Variants in HECW2 observed in about 807,000 individuals in gnomAD.
HECW2 encodes the protein HECT, C2 and WW domain containing E3 ubiquitin protein ligase 2.
Under a neutral mutation model 175.2 loss-of-function variants are expected in HECW2, and 61 were observed. The observed-to-expected ratio is 0.35, with a 90% confidence interval of 0.28 to 0.43. HECW2 has a LOEUF of 0.43. HECW2 is among the 20% of genes least tolerant of loss of function. HECW2 has a pLI of 1.00. For synonymous variants in HECW2, 671 were observed against 731.0 expected (o/e 0.92, Z 1.32); for missense variants, 1,524 against 2,000.5 (o/e 0.76, Z 4.54).
intron 1 of HECW2, among the ~76,000 whole-genome samples, chr2:196,574,371 G>A (rs560863775): frequency 4.6e-5 from 7 of 152,000 alleles, no homozygotes; most frequent in South Asian, 4.2e-4. Context: ...CAGAGGTTGC[G>A]GTGAGCAGAG....
At chr2:196,453,184 G>C (rs1045545659) in intron 1 of HECW2, among the ~76,000 whole-genome samples, 2 of 152,154 alleles carry the variant, frequency 1.3e-5, no homozygotes, top group Non-Finnish European at 2.9e-5. Flanking sequence ...AGAATTTCAA[G>C]ATCTCTAACA....
At chr2:196,495,976 T>A (rs764041622) in intron 1 of HECW2, among the ~76,000 whole-genome samples, 1 of 152,202 alleles carries the variant, frequency 6.6e-6, no homozygotes, top group Non-Finnish European at 1.5e-5. Context: ...GAGATGCCAC[T>A]GAAGGTTTTA....
intron 1 of HECW2, among the ~76,000 whole-genome samples, chr2:196,570,300 TATC>T (rs1225374379): frequency 1.3e-5 from 2 of 152,220 alleles, no homozygotes; most frequent in Non-Finnish European, 2.9e-5. Flanking sequence ...ATAATGAACA[TATC>T]ATTTATATTG....
intron 1 of HECW2, among the ~76,000 whole-genome samples, chr2:196,481,146 T>G (rs1313071317): frequency 6.6e-6 from 1 of 152,232 alleles, no homozygotes; most frequent in Non-Finnish European, 1.5e-5. Flanking sequence ...CAGGACTGCT[T>G]AAGTACTAGT....
In HECW2 at chr2:196,324,970, A is replaced by G. The variant is rs374568976; in HGVS notation, c.741+10T>C. On this transcript the variant is annotated intron_variant, in intron 6 of 28. Transcript: ENST00000644978. Reference sequence around the variant, plus strand: ...ACCATCAAGTAGGAGACCCCCGAGGATCATCTTACCTCTCGGTGCCAAATT... The same window carrying G: ...ACCATCAAGTAGGAGACCCCCGAGGGTCATCTTACCTCTCGGTGCCAAATT... The G allele has an allele frequency of 3.9e-6, 6 of 1,554,960 alleles. No individual in the cohort carries two copies. In the African/African-American group the frequency reaches 8.3e-5, roughly 21 times the overall value.
At chr2:196,344,208 G>C (rs556740164) in intron 2 of HECW2, among the ~76,000 whole-genome samples, 4 of 150,788 alleles carry the variant, frequency 2.7e-5, no homozygotes, top group Admixed American at 1.3e-4. Context: ...AGTGAGTCAA[G>C]ATACAGCACA....
intron 21 of HECW2, chr2:196,238,447 CTTTCTTTCTTTCTTTA>C (rs1688330874): frequency 1.5e-5 from 1 of 68,512 alleles, no homozygotes; most frequent in Admixed American, 1.6e-4. Flanking sequence ...TTCTTTCTTT[CTTTCTTTCTTTCTTTA>C]TTTTTTTTAG....
intron 14 of HECW2, among the ~76,000 whole-genome samples, chr2:196,287,515 C>T: frequency 6.6e-6 from 1 of 152,062 alleles, no homozygotes; most frequent in East Asian, 1.9e-4. Context: ...GGGAAATAGT[C>T]CGTATTTAAC....
At chr2:196,470,554 A>G (rs1053789020) in intron 1 of HECW2, among the ~76,000 whole-genome samples, 18 of 152,328 alleles carry the variant, frequency 1.2e-4, no homozygotes, top group African/African-American at 4.3e-4. Context: ...AAAATGTCCA[A>G]TGATTCTTGG....
intron 1 of HECW2, among the ~76,000 whole-genome samples, chr2:196,499,137 T>G (rs951233736): frequency 6.6e-6 from 1 of 152,174 alleles, no homozygotes. Context: ...CCTGCAATTA[T>G]TAAACGCTTT....
chr2:196,530,180 T>G (rs533979011), intron 1 of HECW2, among the ~76,000 whole-genome samples: 1 of 152,268 alleles, frequency 6.6e-6, no homozygotes, highest in African/African-American at 2.4e-5. Flanking sequence ...CCCCAAAACC[T>G]CCCACTCTTA....
At chr2:196,283,297 T>C (rs913218814) in intron 14 of HECW2, among the ~76,000 whole-genome samples, 1 of 138,452 alleles carries the variant, frequency 7.2e-6, no homozygotes, top group Admixed American at 7.4e-5. Context: ...TGGAAGGAGA[T>C]GGGGGCTCTT....
intron 14 of HECW2, among the ~76,000 whole-genome samples, chr2:196,286,033 T>C (rs991974819): frequency 1.7e-4 from 26 of 152,174 alleles, no homozygotes; most frequent in Admixed American, 3.3e-4. Flanking sequence ...GGAGTGACAG[T>C]ATTTAGGCGT....
intron 1 of HECW2, among the ~76,000 whole-genome samples, chr2:196,490,498 G>GGTGGT (rs1697568310): frequency 6.6e-6 from 1 of 152,018 alleles, no homozygotes; most frequent in African/African-American, 2.4e-5. Context: ...TGGTGAAAAT[G>GGTGGT]GTGGTGGAAA....
intron 26 of HECW2, among the ~76,000 whole-genome samples, chr2:196,219,624 C>T (rs1032654180): frequency 3.3e-5 from 5 of 152,126 alleles, no homozygotes; most frequent in East Asian, 3.8e-4. Flanking sequence ...TGATAAGGAG[C>T]GTAGTGAACA....
chr2:196,329,797 C>A, intron 4 of HECW2, 147 bp from the exon 5 acceptor site: 1 of 592,800 alleles, frequency 1.7e-6, no homozygotes, highest in Non-Finnish European at 3.0e-6. Flanking sequence ...AATCTTGGAA[C>A]AGAGACACAA....
chr2:196,458,459 CAT>C (rs1456981577), intron 1 of HECW2, among the ~76,000 whole-genome samples: 2 of 151,524 alleles, frequency 1.3e-5, no homozygotes, highest in African/African-American at 2.4e-5. Context: ...CACACACACA[CAT>C]ACACACACCC....
intron 15 of HECW2, among the ~76,000 whole-genome samples, chr2:196,274,919 G>A (rs547842962): frequency 6.6e-6 from 1 of 152,256 alleles, no homozygotes; most frequent in African/African-American, 2.4e-5. Context: ...TGAGACAATA[G>A]CAGAACAGCA....
chr2:196,259,188 G>C (rs1689183631), intron 17 of HECW2, among the ~76,000 whole-genome samples: 1 of 152,158 alleles, frequency 6.6e-6, no homozygotes, highest in African/African-American at 2.4e-5. Context: ...TCGCCATGCT[G>C]GTCTCAAACT....
Sources: allele counts gnomAD v4.1 joint callset (sites outside exome capture counted in the v4.1 genomes callset), GRCh38; gene constraint gnomAD v4.1.1; transcripts MANE v1.5; gene names NCBI Gene and HGNC (gene_info 2026-07-23, HGNC 2026-07-21).